Variants in ABI1 observed in about 807,000 individuals in gnomAD.
ABI1 encodes the protein abl interactor 1, also known as Abelson interactor 1.
A neutral mutation model predicts 54.6 loss-of-function variants in ABI1; 14 were observed. That is an observed-to-expected ratio of 0.26 (90% CI 0.17 to 0.40). The LOEUF is 0.40. Ranked by LOEUF, ABI1 falls within the 10% of genes least tolerant of loss-of-function variation. The pLI, the probability that ABI1 is intolerant of heterozygous loss-of-function variation, is 1.00. For missense variants in ABI1, 443 were observed against 598.3 expected, an observed-to-expected ratio of 0.74 and a Z score of 2.71; for synonymous variants, 194 against 209.3, an observed-to-expected ratio of 0.93 and a Z score of 0.63.
At chr10:26,752,912 C>G (rs1837815380) in intron 9 of ABI1, among the ~76,000 whole-genome samples, 1 of 152,076 alleles carries the variant, frequency 6.6e-6, no homozygotes, top group Admixed American at 6.5e-5. Flanking sequence ...CAAATTGATA[C>G]AGGAATTACA....
chr10:26,846,365 C>T (rs2049979680), intron 1 of ABI1, among the ~76,000 whole-genome samples: 1 of 145,504 alleles, frequency 6.9e-6, no homozygotes, highest in Non-Finnish European at 1.5e-5. Flanking sequence ...TTTCTTGAGG[C>T]AGAGTCTCAC....
chr10:26,849,553 A>G (rs1175556681), intron 1 of ABI1, among the ~76,000 whole-genome samples: 1 of 152,266 alleles, frequency 6.6e-6, no homozygotes, highest in African/African-American at 2.4e-5. Context: ...TTCATGGAAC[A>G]CCATTATTAC....
At chr10:26,855,970 C>CAAAA (rs11369827) in intron 1 of ABI1, among the ~76,000 whole-genome samples, 4 of 80,568 alleles carry the variant, frequency 5.0e-5, no homozygotes, top group Non-Finnish European at 5.3e-5. Context: ...GACTCCATCT[C>CAAAA]AAAAAAAAAA....
chr10:26,856,024 C>T (rs1351784167), intron 1 of ABI1, among the ~76,000 whole-genome samples: 1 of 146,102 alleles, frequency 6.8e-6, no homozygotes, highest in Admixed American at 6.9e-5. Flanking sequence ...TGGTGGCTCA[C>T]ACCTGTAATC....
chr10:26,818,436 T>A (rs1049008201), intron 2 of ABI1, among the ~76,000 whole-genome samples: 7 of 151,678 alleles, frequency 4.6e-5, no homozygotes, highest in African/African-American at 1.7e-4. Flanking sequence ...CTGGCCAACA[T>A]GGTGAAACCC....
At chr10:26,822,927 A>G (rs1484020752) in intron 2 of ABI1, among the ~76,000 whole-genome samples, 1 of 152,204 alleles carries the variant, frequency 6.6e-6, no homozygotes, top group African/African-American at 2.4e-5. Context: ...TACACTTAAA[A>G]ATGGTTAAAA....
intron 2 of ABI1, among the ~76,000 whole-genome samples, chr10:26,822,498 G>GT (rs1485608487): frequency 1.3e-5 from 2 of 151,884 alleles, no homozygotes; most frequent in African/African-American, 2.4e-5. Context: ...AACAAAATGT[G>GT]TAACAATAGA....
chr10:26,815,809 G>A (rs1038224457), intron 2 of ABI1, among the ~76,000 whole-genome samples: 1 of 152,190 alleles, frequency 6.6e-6, no homozygotes, highest in African/African-American at 2.4e-5. Flanking sequence ...TACTCAGGAG[G>A]CTGAGGCGGG....
At chr10:26,776,168 C>T (rs1422919211) in intron 3 of ABI1, among the ~76,000 whole-genome samples, 1 of 152,136 alleles carries the variant, frequency 6.6e-6, no homozygotes, top group African/African-American at 2.4e-5. Context: ...AGAGGAGATT[C>T]CAATAGTCTC....
At chr10:26,823,454 T>G in intron 1 of ABI1, 149 bp from the exon 2 acceptor site, 1 of 673,202 alleles carries the variant, frequency 1.5e-6, no homozygotes, top group South Asian at 3.6e-5. Flanking sequence ...AGGATACTAC[T>G]GAATTAAGCC....
At chr10:26,849,572 C>T (rs548267635) in intron 1 of ABI1, among the ~76,000 whole-genome samples, 1 of 152,284 alleles carries the variant, frequency 6.6e-6, no homozygotes, top group South Asian at 2.1e-4. Flanking sequence ...ACTTCAAAAA[C>T]AACTGATAGG....
intron 1 of ABI1, among the ~76,000 whole-genome samples, chr10:26,851,530 GAT>G (rs1162648990): frequency 6.6e-6 from 1 of 151,902 alleles, no homozygotes; most frequent in Non-Finnish European, 1.5e-5. Context: ...ATAAAGGAGA[GAT>G]AGGTCAGTTA....
At chr10:26,816,986 T>TTGTGTGTGTGTGTGTGTGTGTGTG (rs71403891) in intron 2 of ABI1, among the ~76,000 whole-genome samples, 20 of 143,764 alleles carry the variant, frequency 1.4e-4, no homozygotes, top group Non-Finnish European at 1.7e-4. Flanking sequence ...TGCAAAGACT[T>TTGTGTGTGTGTGTGTGTGTGTGTG]TGTGTGTGTG....
At chr10:26,772,488 T>A (rs1165842337) in intron 3 of ABI1, among the ~76,000 whole-genome samples, 1 of 152,150 alleles carries the variant, frequency 6.6e-6, no homozygotes, top group East Asian at 1.9e-4. Context: ...CATTCAAGTA[T>A]AAGCTGGTCC....
At chr10:26,776,950 T>C in intron 3 of ABI1, 115 bp downstream of exon 3, 1 of 977,948 alleles carries the variant, frequency 1.0e-6, no homozygotes, top group Non-Finnish European at 1.5e-6. Flanking sequence ...GTATGAAAAT[T>C]ATAATGCCAG....
intron 2 of ABI1, among the ~76,000 whole-genome samples, chr10:26,818,806 A>T (rs1007596591): frequency 2.6e-5 from 4 of 152,060 alleles, no homozygotes; most frequent in African/African-American, 9.7e-5. Context: ...CCTGGCCAAG[A>T]TGGTGAAACC....
rs147957853 is a variant in ABI1, at chr10:26,843,453, C to CAA, written c.117+17292_117+17293dup. Among the ~76,000 whole-genome samples the CAA allele has an allele frequency of 3.7e-3, 198 of 52,986 alleles. 22 individuals carry two copies. Among genetic ancestry groups the CAA allele is most frequent in the East Asian group, 0.012 (26 of 2,092 alleles). The allele number at this position is 52,986 out of a possible 152,430, so 34.8% of individuals were successfully genotyped here. On this transcript the variant is annotated intron_variant, in intron 1 of 10. Coordinates refer to ENST00000376140, the MANE Select transcript of ABI1 (RefSeq NM_001012750.3). ...TTTATGACATAGCAAGACTCCGTCT[C>CAA]AAAAAAAAAAAAAAAAAAAAAAAAA...
At chr10:26,759,313 AG>A in intron 7 of ABI1, 75 bp from the exon 8 acceptor site, 1 of 1,249,020 alleles carries the variant, frequency 8.0e-7, no homozygotes, top group Non-Finnish European at 1.1e-6. Context: ...AGAACAAAGC[AG>A]GAGGGGGCCT....
chr10:26,860,685 G>T lies in ABI1; in HGVS notation c.117+62C>A. ...GGGCAGTTCCCCACCCCGCCCAGTGGGCTGGTCACTCCGGCGGGTCCTCGA... is the reference window on the plus strand; with the variant it reads ...GGGCAGTTCCCCACCCCGCCCAGTGTGCTGGTCACTCCGGCGGGTCCTCGA... On this transcript the variant is annotated intron_variant, in intron 1 of 10. Transcript: ENST00000376140. The surrounding 1 kb of genome is among the most constrained non-coding windows in gnomAD (Gnocchi z 4.1). 1 of 1,355,014 alleles carries T rather than the reference G, an allele frequency of 7.4e-7. No individual in the cohort carries two copies. The highest frequency in any genetic ancestry group is 1.1e-6 in the Non-Finnish European group (1 of 948,486). 83.9% of individuals were successfully genotyped at this position (1,355,014 alleles called of 1,614,324 possible).
Sources: gnomAD v4.1 joint callset for allele counts (sites outside exome capture counted in the v4.1 genomes callset) on GRCh38, gnomAD v4.1.1 for gene constraint, Gnocchi (gnomAD v3.1) non-coding constraint, MANE v1.5 for transcripts, NCBI Gene and HGNC (gene_info 2026-07-23, HGNC 2026-07-21) for gene names.